TRPM3: variants seen among roughly 807,000 people sequenced by gnomAD.
TRPM3 encodes long transient receptor potential channel 3.
Under a neutral mutation model 181.2 loss-of-function variants are expected in TRPM3, and 77 were observed. The ratio of observed to expected loss-of-function variants is 0.42; its 90% CI spans 0.35 to 0.51. The LOEUF is 0.51. Ranked by LOEUF, TRPM3 falls within the 20% of genes least tolerant of loss-of-function variation. The probability of loss-of-function intolerance (pLI) is 0.01; values close to 1 mark genes in which losing one functional copy is unlikely to be tolerated. For synonymous variants in TRPM3, 745 were observed against 796.4 expected (o/e 0.94, Z 1.09); for missense variants, 1,759 against 2,196.7 (o/e 0.80, Z 3.98).
chr9:71,094,910 T>C (rs2066870198), intron 1 of TRPM3, among the ~76,000 whole-genome samples: 1 of 152,116 alleles, frequency 6.6e-6, no homozygotes, highest in Admixed American at 6.6e-5. Context: ...GGGATACAGT[T>C]AGGGTTTACA....
chr9:70,924,767 T>C (rs1030409113), intron 1 of TRPM3, among the ~76,000 whole-genome samples: 2 of 152,204 alleles, frequency 1.3e-5, no homozygotes, highest in Admixed American at 6.5e-5. Flanking sequence ...GATTTGTGAA[T>C]GTTAAGTACT....
intron 1 of TRPM3, among the ~76,000 whole-genome samples, chr9:71,102,297 T>C (rs1405401171): frequency 2.0e-5 from 3 of 152,222 alleles, no homozygotes; most frequent in Non-Finnish European, 4.4e-5. Context: ...AATGAATTTT[T>C]ACTTGTCATT....
At chr9:71,355,203 G>C (rs1231128275) in intron 1 of TRPM3, among the ~76,000 whole-genome samples, 1 of 152,154 alleles carries the variant, frequency 6.6e-6, no homozygotes, top group African/African-American at 2.4e-5. Flanking sequence ...GATATGTCCA[G>C]GTCCTAACTC....
chr9:70,578,214 T>C (rs932849219), intron 22 of TRPM3, among the ~76,000 whole-genome samples: 1 of 151,498 alleles, frequency 6.6e-6, no homozygotes, highest in African/African-American at 2.4e-5. Context: ...GTGAGCTGGA[T>C]TGATTGAACT....
At chr9:70,821,802 G>T (rs1042605042) in intron 6 of TRPM3, among the ~76,000 whole-genome samples, 1 of 152,040 alleles carries the variant, frequency 6.6e-6, no homozygotes, top group Admixed American at 6.6e-5. Context: ...TCTTTCTCTT[G>T]CTTCTCCATC....
intron 6 of TRPM3, among the ~76,000 whole-genome samples, chr9:70,798,139 C>T (rs1473556355): frequency 3.9e-5 from 6 of 152,190 alleles, no homozygotes; most frequent in East Asian, 1.9e-4. Context: ...ACTGCCGCCT[C>T]GACTTCCCAG....
chr9:71,384,931 G>GA (rs2092892160), intron 1 of TRPM3, among the ~76,000 whole-genome samples: 1 of 152,214 alleles, frequency 6.6e-6, no homozygotes, highest in African/African-American at 2.4e-5. Flanking sequence ...AATTAAAAGA[G>GA]AAAAAAGTAA....
At chr9:70,977,012 A>G (rs1358141402) in intron 1 of TRPM3, among the ~76,000 whole-genome samples, 1 of 152,260 alleles carries the variant, frequency 6.6e-6, no homozygotes. Flanking sequence ...GGAGAGAAAG[A>G]CACAGCAGAA....
chr9:71,416,924 C>T (rs1324107610), intron 1 of TRPM3, among the ~76,000 whole-genome samples: 1 of 151,936 alleles, frequency 6.6e-6, no homozygotes, highest in Non-Finnish European at 1.5e-5. Context: ...TAGAATCATA[C>T]AATATGTACT....
rs542781352 is a variant in TRPM3 at position 70,783,222 on chromosome 9, A to G, written c.1148+883T>C. On this transcript the variant is annotated intron_variant, in intron 7 of 25. Coordinates refer to ENST00000677713, the MANE Select transcript of TRPM3 (RefSeq NM_001366145.2). ...GGCACCCAGGAAACACTTAATGTAT[A>G]TTTATAAAAGGCATGAATAAAAGAC... is the stretch of plus-strand genomic sequence containing the variant. Among the ~76,000 whole-genome samples the G allele has an allele frequency of 7.2e-5, 11 of 152,294 alleles. No homozygotes were observed. The South Asian group carries it at 1.0e-3, about 14-fold the overall frequency.
chr9:70,549,637 A>G lies in TRPM3; in HGVS notation c.3612T>C (p.His1204=). The G allele has an allele frequency of 6.2e-7, 1 of 1,611,958 alleles. No homozygotes were observed. The highest frequency in any genetic ancestry group is 1.1e-5 in the South Asian group (1 of 91,024). The stretch of plus-strand genomic sequence containing the variant: ...CTTCTATGCATTGCTCTTCAAAGTC[A>G]TGTACTTTCTTGAGCTCATCATCGG... The part of the protein sequence containing the change: ...FITDDELKKV[H]DFEEQCIEEY... Residue 1204 remains histidine (H), a synonymous_variant, in exon 25 of 26, where the codon CAT becomes CAC. Coordinates refer to ENST00000677713, the MANE Select transcript of TRPM3 (RefSeq NM_001366145.2).
chr9:71,182,322 C>T (rs1339373100), intron 1 of TRPM3, among the ~76,000 whole-genome samples: 1 of 152,006 alleles, frequency 6.6e-6, no homozygotes. Flanking sequence ...CACACAACTC[C>T]CTCTCCATGG....
upstream of TRPM3, among the ~76,000 whole-genome samples, chr9:71,125,539 T>C (rs2073977903): frequency 6.6e-6 from 1 of 152,190 alleles, no homozygotes; most frequent in African/African-American, 2.4e-5. Flanking sequence ...ATTCTTTTTA[T>C]GGCTGCATAG....
At chr9:71,385,926 C>G (rs1182723705) in intron 1 of TRPM3, among the ~76,000 whole-genome samples, 1 of 151,586 alleles carries the variant, frequency 6.6e-6, no homozygotes, top group East Asian at 2.0e-4. Context: ...AGGCTGGTCT[C>G]AAACTCCTGA....
intron 1 of TRPM3, among the ~76,000 whole-genome samples, chr9:71,046,786 A>G (rs1274605574): frequency 6.6e-6 from 1 of 152,262 alleles, no homozygotes; most frequent in African/African-American, 2.4e-5. Context: ...AAAGCAACAT[A>G]CATATTGAAT....
chr9:71,305,387 A>C (rs560796639), intron 1 of TRPM3, among the ~76,000 whole-genome samples: 1 of 152,306 alleles, frequency 6.6e-6, no homozygotes, highest in African/African-American at 2.4e-5. Context: ...GACTGCATTC[A>C]TCATACTAGG....
chr9:70,966,915 T>G (rs1165486836), intron 1 of TRPM3, among the ~76,000 whole-genome samples: 1 of 152,210 alleles, frequency 6.6e-6, no homozygotes, highest in East Asian at 1.9e-4. Flanking sequence ...TTTTAAAAGT[T>G]TAAATGTAAA....
chr9:71,020,156 C>A (rs1199921350), intron 1 of TRPM3, among the ~76,000 whole-genome samples: 5 of 150,366 alleles, frequency 3.3e-5, no homozygotes, highest in East Asian at 2.0e-4. Flanking sequence ...AAAAAAAAAA[C>A]CAAGCCAAAA....
At chr9:70,623,442 G>T (rs1009249989) in intron 14 of TRPM3, among the ~76,000 whole-genome samples, 1 of 152,056 alleles carries the variant, frequency 6.6e-6, no homozygotes. Context: ...GGGTCATGAG[G>T]GTCCCTGAAA....
Sources: gnomAD v4.1 joint callset for allele counts (sites outside exome capture counted in the v4.1 genomes callset) on GRCh38, gnomAD v4.1.1 for gene constraint, MANE v1.5 for transcripts, NCBI Gene and HGNC (gene_info 2026-07-23, HGNC 2026-07-21) for gene names.